The following PHF24 variants were observed in gnomAD, a reference collection of about 807,000 sequenced individuals.
The protein encoded by PHF24 is PHD finger protein 24.
Under a neutral mutation model 42.6 loss-of-function variants are expected in PHF24, and 25 were observed. The ratio of observed to expected loss-of-function variants is 0.59; its 90% CI spans 0.43 to 0.82. PHF24 has a LOEUF of 0.82. PHF24 is among the 40% of genes least tolerant of loss of function. The pLI is 0.00. For missense variants in PHF24, 470 were observed against 538.1 expected, an observed-to-expected ratio of 0.87 and a Z score of 1.25; for synonymous variants, 185 against 204.8, an observed-to-expected ratio of 0.90 and a Z score of 0.83.
the PHF24 span, among the ~76,000 whole-genome samples, chr9:34,702,542 G>T: frequency 6.6e-6 from 1 of 152,224 alleles, no homozygotes; most frequent in Non-Finnish European, 1.5e-5. Context: ...ACTGAGAAAT[G>T]GTTGTCTTGA....
At chr9:34,880,647 G>A in the PHF24 span, among the ~76,000 whole-genome samples, 3 of 152,194 alleles carry the variant, frequency 2.0e-5, no homozygotes, top group Non-Finnish European at 4.4e-5. Context: ...AGTTCAACAA[G>A]AAGAGCTAAC....
chr9:34,791,796 G>A, the PHF24 span, among the ~76,000 whole-genome samples: 1 of 151,152 alleles, frequency 6.6e-6, no homozygotes, highest in South Asian at 2.1e-4. Flanking sequence ...TGAATTGAAT[G>A]TTGCATCTTA....
the PHF24 span, among the ~76,000 whole-genome samples, chr9:34,949,850 G>C: frequency 2.6e-5 from 4 of 151,988 alleles, no homozygotes; most frequent in South Asian, 8.4e-4. Flanking sequence ...GGCCTCTCGG[G>C]GGTAGGGGGA....
the PHF24 span, among the ~76,000 whole-genome samples, chr9:34,820,371 C>A: frequency 6.6e-6 from 1 of 151,926 alleles, no homozygotes; most frequent in Non-Finnish European, 1.5e-5. Context: ...GTTTTTCGAT[C>A]CTCACCCTCC....
chr9:34,742,995 A>G, the PHF24 span, among the ~76,000 whole-genome samples: 1 of 152,146 alleles, frequency 6.6e-6, no homozygotes, highest in East Asian at 1.9e-4. Flanking sequence ...GGTATTTGGA[A>G]CAGATGCCTG....
the PHF24 span, among the ~76,000 whole-genome samples, chr9:34,871,887 C>T: frequency 6.6e-6 from 1 of 152,136 alleles, no homozygotes; most frequent in Non-Finnish European, 1.5e-5. Context: ...TCCATCTAAA[C>T]TTTAGAAGCA....
At chr9:34,820,352 T>C in the PHF24 span, among the ~76,000 whole-genome samples, 1 of 152,186 alleles carries the variant, frequency 6.6e-6, no homozygotes, top group South Asian at 2.1e-4. Context: ...AACGTAGTAC[T>C]GATAGGTAGT....
chr9:34,735,425 G>T, the PHF24 span, among the ~76,000 whole-genome samples: 2 of 150,704 alleles, frequency 1.3e-5, no homozygotes, highest in East Asian at 2.0e-4. Flanking sequence ...GTGAGCCACC[G>T]CACCCGGCCC....
chr9:34,803,125 T>G, the PHF24 span, among the ~76,000 whole-genome samples: 2 of 152,074 alleles, frequency 1.3e-5, no homozygotes, highest in Admixed American at 6.5e-5. Flanking sequence ...CACAGATACA[T>G]CTCCAGGCTA....
At chr9:34,893,790 C>T in the PHF24 span, among the ~76,000 whole-genome samples, 393 of 152,178 alleles carry the variant, frequency 2.6e-3, no homozygotes, top group African/African-American at 8.7e-3. Flanking sequence ...AGAACGGAGC[C>T]AGGCGGTTAG....
the PHF24 span, chr9:34,709,085 G>C: frequency 2.1e-6 from 1 of 479,134 alleles, no homozygotes; most frequent in Non-Finnish European, 3.7e-6. Context: ...GTACTGGGGA[G>C]CCGTATCAGG....
chr9:34,851,999 G>A, the PHF24 span, among the ~76,000 whole-genome samples: 1 of 151,988 alleles, frequency 6.6e-6, no homozygotes, highest in Non-Finnish European at 1.5e-5. Flanking sequence ...GAACTGCATG[G>A]GATCCACTTA....
the PHF24 span, among the ~76,000 whole-genome samples, chr9:34,669,909 TAG>T: frequency 6.6e-6 from 1 of 152,080 alleles, no homozygotes; most frequent in African/African-American, 2.4e-5. Flanking sequence ...ACCATGTGAT[TAG>T]AGAGTTGAGA....
At chr9:34,908,822 TTTTTC>T in the PHF24 span, among the ~76,000 whole-genome samples, 54 of 151,482 alleles carry the variant, frequency 3.6e-4, no homozygotes, top group Admixed American at 2.8e-3. Flanking sequence ...CCTCATCCTT[TTTTTC>T]TTTTCTTTTC....
At chr9:34,821,019 A>G in the PHF24 span, among the ~76,000 whole-genome samples, 1 of 151,922 alleles carries the variant, frequency 6.6e-6, no homozygotes, top group Non-Finnish European at 1.5e-5. Context: ...TTTGTTGGAC[A>G]CTCGTATGTC....
the PHF24 span, among the ~76,000 whole-genome samples, chr9:34,872,198 T>A: frequency 7.0e-5 from 7 of 99,360 alleles, no homozygotes; most frequent in East Asian, 2.5e-4. Context: ...TTATTATTTT[T>A]TTATTTTTTA....
chr9:34,710,743 G>A, the PHF24 span, among the ~76,000 whole-genome samples: 4 of 151,974 alleles, frequency 2.6e-5, no homozygotes, highest in Non-Finnish European at 5.9e-5. Context: ...TGAGGAGCTG[G>A]GACCACAGGC....
chr9:34,728,166 T>G, the PHF24 span: 11 of 1,262,522 alleles, frequency 8.7e-6, no homozygotes, highest in South Asian at 1.6e-4. Flanking sequence ...GGCCTTTGAC[T>G]CTCATCAAGA....
At chr9:34,758,303 C>T in the PHF24 span, among the ~76,000 whole-genome samples, 1 of 152,084 alleles carries the variant, frequency 6.6e-6, no homozygotes, top group Admixed American at 6.5e-5. The surrounding 1 kb of genome is among the most constrained non-coding windows in gnomAD (Gnocchi z 4.4). Context: ...TGTAGCTACT[C>T]CACCAGCCTG....
Sources: allele counts gnomAD v4.1 joint callset (sites outside exome capture counted in the v4.1 genomes callset), GRCh38; gene constraint gnomAD v4.1.1; non-coding constraint Gnocchi (gnomAD v3.1); transcripts MANE v1.5; gene names NCBI Gene and HGNC (gene_info 2026-07-23, HGNC 2026-07-21).